The following RCCD1 variants were observed in gnomAD, a reference collection of about 807,000 sequenced individuals.
RCCD1 encodes the protein RCC1 domain containing 1.
In RCCD1, 40 loss-of-function variants were observed where a neutral mutation model predicts 37.6. The ratio of observed to expected loss-of-function variants is 1.06; its 90% CI spans 0.83 to 1.39. The LOEUF (loss-of-function observed/expected upper bound fraction) is 1.39. RCCD1 is among the 40% of genes most tolerant of loss of function. The pLI is 0.00. For synonymous variants in RCCD1, 263 were observed against 230.0 expected, an observed-to-expected ratio of 1.14 and a Z score of -1.30; for missense variants, 577 against 517.3, an observed-to-expected ratio of 1.12 and a Z score of -1.12.
In RCCD1 at chr15:90,956,685, C is replaced by G. The variant is rs2151380559; in HGVS notation, c.-50C>G. The stretch of plus-strand genomic sequence containing the variant: ...CTAGCGGGCTCTTCGCAAGAATCCC[C>G]CCGGGCCCGCCGCAGCCAGGCGGCG... On this transcript the variant is annotated 5_prime_UTR_variant, in exon 2 of 8. Coordinates refer to ENST00000394258, the MANE Select transcript of RCCD1 (RefSeq NM_001017919.2). 4.0e-6 allele frequency: 5 copies of G among 1,251,662 alleles called. No homozygotes were observed. Among genetic ancestry groups the G allele is most frequent in the Non-Finnish European group, 5.0e-6 (5 of 997,786 alleles). 77.5% of individuals were successfully genotyped at this position (1,251,662 alleles called of 1,614,324 possible). A position where few individuals can be genotyped will look rare whatever the true frequency, so the allele number is the denominator to read the frequency against.
In RCCD1 at chr15:90,963,098, A is replaced by G. The variant is rs1567170668; in HGVS notation, c.*1329A>G. 6.6e-6 allele frequency: 1 copy of G among 152,220 alleles called. No individual in the cohort carries two copies. The allele number at this position is 152,220 out of a possible 1,614,324, so 9.4% of individuals were successfully genotyped here. On this transcript the variant is annotated 3_prime_UTR_variant, in exon 8 of 8. Transcript: ENST00000394258. ...GAACATAAAATTTATGTTCAATAAA[A>G]AACAAAAATTGTTTTTAACCATTTT...
intron 4 of RCCD1, chr15:90,959,619 G>A (rs8038661): frequency 0.19 from 44,311 of 234,552 alleles, 5,121 homozygotes; most frequent in East Asian, 0.49. Context: ...AGACCACTGC[G>A]GTACTTCTAG....
At position 90,962,917 on chromosome 15, in the gene RCCD1, A is replaced by G. The variant is rs953865351; in HGVS notation, c.*1148A>G. On this transcript the variant is annotated 3_prime_UTR_variant, in exon 8 of 8. Transcript: ENST00000394258. Reference sequence around the variant, plus strand: ...AGGTGATGCTTACTCCATGCCAGGTAAGGCTCAAAGTGCTTTACAAGTATC... The same window carrying G: ...AGGTGATGCTTACTCCATGCCAGGTGAGGCTCAAAGTGCTTTACAAGTATC... 1 of 152,204 alleles carries G rather than the reference A, an allele frequency of 6.6e-6. No homozygotes were observed. Among genetic ancestry groups the G allele is most frequent in the Non-Finnish European group, 1.5e-5 (1 of 68,032 alleles). 9.4% of individuals were successfully genotyped at this position (152,204 alleles called of 1,614,324 possible). A position where few individuals can be genotyped will look rare whatever the true frequency, so the allele number is the denominator to read the frequency against.
Position 90,957,101 on chromosome 15 carries a change from T to A in RCCD1, c.167-12T>A. ...CTCCATTCTGGCCACCCTGCTCCAA[T>A]CCGCCCCGCAGGTGGAGGCCGCTTG... On this transcript the variant is annotated splice_polypyrimidine_tract_variant and intron_variant, in intron 2 of 7. Transcript: ENST00000394258. 3.7e-6 allele frequency: 5 copies of A among 1,341,180 alleles called. No homozygotes were observed. Among genetic ancestry groups the A allele is most frequent in the Non-Finnish European group, 4.8e-6 (5 of 1,051,658 alleles). The allele number at this position is 1,341,180 out of a possible 1,614,324, so 83.1% of individuals were successfully genotyped here.
At chr15:90,957,772 A>AC in intron 4 of RCCD1, 47 bp downstream of exon 4, 1 of 1,545,716 alleles carries the variant, frequency 6.5e-7, no homozygotes, top group Middle Eastern at 1.7e-4. Context: ...TCTTGTGCAA[A>AC]CCTTCCTCCT....
Position 90,957,400 on chromosome 15 carries a change from C to T in RCCD1, c.454C>T (p.Arg152Trp). ...AYVSPRAPFY[R>W]PLAPELRARQ... ...CGTGAGCCCGCGGGCGCCCTTCTACCGGCCTCTGGCTCCGGAGCTGCGGGC... is the reference window on the plus strand; with the variant it reads ...CGTGAGCCCGCGGGCGCCCTTCTACTGGCCTCTGGCTCCGGAGCTGCGGGC... The change falls in exon 3 of 8, where the codon CGG becomes TGG. Residue 152 changes from arginine to tryptophan, a missense_variant. By Grantham distance (101) the Arg-to-Trp change is moderately radical. Coordinates refer to ENST00000394258, the MANE Select transcript of RCCD1 (RefSeq NM_001017919.2). 1 of 1,542,134 alleles carries T rather than the reference C, an allele frequency of 6.5e-7. No individual in the cohort carries two copies. The highest frequency in any genetic ancestry group is 8.7e-7 in the Non-Finnish European group (1 of 1,145,904).
At chr15:90,959,787 C>T in intron 4 of RCCD1, 113 bp from the exon 5 acceptor site, 1 of 799,476 alleles carries the variant, frequency 1.3e-6, no homozygotes, top group Non-Finnish European at 2.0e-6. Flanking sequence ...GGAGTGCTAC[C>T]TTGGGCAGGG....
In RCCD1 at chr15:90,957,188, G is replaced by A. The variant is rs2037214355; in HGVS notation, c.242G>A (p.Gly81Glu). Residue 81 changes from glycine (G) to glutamate (E), a missense_variant, in exon 3 of 8, where the codon GGG becomes GAG. Transcript: ENST00000394258. ...GRCKDAWASE[G>E]LLAVLRAGPG... is the part of the protein sequence containing the mutation. ...TGCAAGGACGCGTGGGCCTCGGAGGGGCTCCTCGCGGTGCTGCGCGCCGGG... is the reference window on the plus strand; with the variant it reads ...TGCAAGGACGCGTGGGCCTCGGAGGAGCTCCTCGCGGTGCTGCGCGCCGGG... 4.3e-6 allele frequency: 6 copies of A among 1,389,940 alleles called. No individual in the cohort carries two copies. The highest frequency in any genetic ancestry group is 5.6e-6 in the Non-Finnish European group (6 of 1,077,698). The allele number at this position is 1,389,940 out of a possible 1,614,324, so 86.1% of individuals were successfully genotyped here. A position where few individuals can be genotyped will look rare whatever the true frequency, so the allele number is the denominator to read the frequency against.
rs1003734841 is a variant in RCCD1, at chr15:90,962,993, T to A, written c.*1224T>A. 7 of 152,230 alleles carry A rather than the reference T, an allele frequency of 4.6e-5. 1 individual carries two copies. Among genetic ancestry groups the A allele is most frequent in the African/African-American group, 1.7e-4 (7 of 41,462 alleles). 9.4% of individuals were successfully genotyped at this position (152,230 alleles called of 1,614,324 possible). On this transcript the variant is annotated 3_prime_UTR_variant, in exon 8 of 8. Coordinates refer to ENST00000394258, the MANE Select transcript of RCCD1 (RefSeq NM_001017919.2). ...TCAGTAGTTTTCTTTATAGTTAAAT[T>A]CTATTTGTGCATGTGTGTGTCTGTG...
At chr15:90,958,216 C>T (rs2037241875) in intron 4 of RCCD1, among the ~76,000 whole-genome samples, 1 of 152,126 alleles carries the variant, frequency 6.6e-6, no homozygotes, top group African/African-American at 2.4e-5. Context: ...AGGTGTAGCT[C>T]CTTCCTAGGC....
intron 1 of RCCD1, among the ~76,000 whole-genome samples, chr15:90,956,066 C>T (rs1356831962): frequency 6.6e-6 from 1 of 152,196 alleles, no homozygotes; most frequent in African/African-American, 2.4e-5. Flanking sequence ...TCAAACAGCA[C>T]CGCCCCCACC....
rs1265523609 is a variant in RCCD1 at position 90,959,909 on chromosome 15, A to T, written c.689A>T (p.Asp230Val). Residue 230 changes from aspartate to valine, a missense_variant, in exon 5 of 8, where the codon GAT becomes GTT. Asp to Val is a radical substitution (Grantham distance 152). Coordinates refer to ENST00000394258, the MANE Select transcript of RCCD1 (RefSeq NM_001017919.2). ...CCTTGATCTCTTTCAGAGACTGGGG[A>T]TATTTATATCTGGGGCTGGAATGAA... ...WHSVCVSETG[D>V]IYIWGWNESG... The T allele has an allele frequency of 1.6e-5, 25 of 1,611,754 alleles. No individual in the cohort carries two copies. Among genetic ancestry groups the T allele is most frequent in the Non-Finnish European group, 2.0e-5 (24 of 1,178,628 alleles).
chr15:90,955,305 C>G (rs538254262), intron 1 of RCCD1: 1 of 152,246 alleles, frequency 6.6e-6, no homozygotes, highest in East Asian at 1.9e-4. Context: ...GCCGCGCGCC[C>G]TTCAAACCTT....
chr15:90,957,067 C>T (rs1235218153), intron 2 of RCCD1, 46 bp from the exon 3 acceptor site: 1 of 1,310,942 alleles, frequency 7.6e-7, no homozygotes, highest in Non-Finnish European at 9.7e-7. Flanking sequence ...CTCCCCCCAT[C>T]CCCGCCGCCT....
In RCCD1 at chr15:90,956,654, G is replaced by GTCC. The variant is rs2037199177; in HGVS notation, c.-80_-78dup. The GTCC allele has an allele frequency of 8.4e-7, 1 of 1,194,256 alleles. No individual in the cohort carries two copies. Among genetic ancestry groups the GTCC allele is most frequent in the East Asian group, 3.2e-5 (1 of 31,438 alleles). The allele number at this position is 1,194,256 out of a possible 1,614,324, so 74.0% of individuals were successfully genotyped here. A position where few individuals can be genotyped will look rare whatever the true frequency, so the allele number is the denominator to read the frequency against. ...CCTGGAAGGCCAGAGACTTGCCAGT[G>GTCC]TCCCACTAGCGGGCTCTTCGCAAGA... On this transcript the variant is annotated 5_prime_UTR_variant, in exon 2 of 8. Coordinates refer to ENST00000394258, the MANE Select transcript of RCCD1 (RefSeq NM_001017919.2).
chr15:90,960,114 T>A, intron 5 of RCCD1, 116 bp downstream of exon 5: 1 of 976,646 alleles, frequency 1.0e-6, no homozygotes, highest in South Asian at 1.6e-5. Flanking sequence ...GTGAGCCCCT[T>A]ATGGGAGGGA....
In RCCD1 at chr15:90,957,730, G is replaced by A. The variant is rs771053806; in HGVS notation, c.679+5G>A. On this transcript the variant is annotated splice_donor_5th_base_variant and intron_variant, in intron 4 of 7. Coordinates refer to ENST00000394258, the MANE Select transcript of RCCD1 (RefSeq NM_001017919.2). Reference sequence around the variant, plus strand: ...GGCATTCTGTGTGTGTGAGTGGTGAGTGACTTAGTGCTTCTCCAGACGAGC... The same window carrying A: ...GGCATTCTGTGTGTGTGAGTGGTGAATGACTTAGTGCTTCTCCAGACGAGC... 12 of 1,600,442 alleles carry A rather than the reference G, an allele frequency of 7.5e-6. No homozygotes were observed. Among genetic ancestry groups the A allele is most frequent in the Non-Finnish European group, 1.0e-5 (12 of 1,172,622 alleles).
At chr15:90,955,623 C>T (rs1234695950) in intron 1 of RCCD1, 1 of 151,628 alleles carries the variant, frequency 6.6e-6, no homozygotes, top group African/African-American at 2.4e-5. Context: ...TTTGGGAGGC[C>T]GAGGCGGGCG....
At chr15:90,961,491 C>T in intron 7 of RCCD1, 127 bp from the exon 8 acceptor site, 1 of 1,142,710 alleles carries the variant, frequency 8.8e-7, no homozygotes. Context: ...GGCTCTGGGT[C>T]TCTTGGATTC....
Sources: allele counts gnomAD v4.1 joint callset (sites outside exome capture counted in the v4.1 genomes callset), GRCh38; gene constraint gnomAD v4.1.1; transcripts MANE v1.5; gene names NCBI Gene and HGNC (gene_info 2026-07-23, HGNC 2026-07-21).